Variants in AGBL1 observed in about 807,000 individuals in gnomAD.
AGBL1 encodes AGBL carboxypeptidase 1, also known as cytosolic carboxypeptidase 4.
Under a neutral mutation model 118.9 loss-of-function variants are expected in AGBL1, and 130 were observed. That is an observed-to-expected ratio of 1.09 (90% CI 0.95 to 1.26). The LOEUF is 1.26. Among genes scored for constraint, AGBL1 ranks in the 50% most tolerant of loss-of-function variants. The pLI, the probability that AGBL1 is intolerant of heterozygous loss-of-function variation, is 0.00. For synonymous variants in AGBL1, 555 were observed against 478.9 expected, an observed-to-expected ratio of 1.16 and a Z score of -2.08; for missense variants, 1,584 against 1,298.1, an observed-to-expected ratio of 1.22 and a Z score of -3.38.
intron 22 of AGBL1, among the ~76,000 whole-genome samples, chr15:86,778,257 A>C (rs1432078268): frequency 6.6e-6 from 1 of 152,170 alleles, no homozygotes; most frequent in Non-Finnish European, 1.5e-5. Context: ...AGATCACAGG[A>C]CCATGGGACT....
intron 18 of AGBL1, among the ~76,000 whole-genome samples, chr15:86,474,893 C>G (rs769079798): frequency 2.0e-5 from 3 of 152,232 alleles, no homozygotes; most frequent in Admixed American, 1.3e-4. Context: ...GAGGAATGAT[C>G]AGGCAGCAAC....
intron 14 of AGBL1, 117 bp downstream of exon 14, chr15:86,270,184 T>G (rs886200499): frequency 7.2e-7 from 1 of 1,386,740 alleles, no homozygotes; most frequent in Non-Finnish European, 9.6e-7. Flanking sequence ...GGGCAGAGTT[T>G]TGGGTTGCCA....
At chr15:86,224,145 T>C (rs190046508) in intron 5 of AGBL1, among the ~76,000 whole-genome samples, 1 of 152,208 alleles carries the variant, frequency 6.6e-6, no homozygotes, top group East Asian at 1.9e-4. Flanking sequence ...TTCTATTTTT[T>C]TAAAAAAGCA....
intron 16 of AGBL1, among the ~76,000 whole-genome samples, chr15:86,294,438 C>T (rs1387226351): frequency 6.7e-6 from 1 of 148,284 alleles, no homozygotes; most frequent in Admixed American, 6.7e-5. Context: ...GATTGTTCAC[C>T]AGGTGTCCTA....
intron 21 of AGBL1, among the ~76,000 whole-genome samples, chr15:86,640,969 A>AT (rs59709098): frequency 2.7e-5 from 4 of 150,770 alleles, no homozygotes; most frequent in Admixed American, 6.6e-5. Context: ...ACTGAGGTTG[A>AT]TTTTTTTTTT....
At chr15:86,857,319 A>G (rs2079497248) in intron 22 of AGBL1, among the ~76,000 whole-genome samples, 1 of 151,994 alleles carries the variant, frequency 6.6e-6, no homozygotes, top group South Asian at 2.1e-4. Flanking sequence ...TCAGCTTCCC[A>G]TCCTTCCAGT....
intron 22 of AGBL1, among the ~76,000 whole-genome samples, chr15:86,692,808 C>T (rs1054599865): frequency 3.9e-5 from 6 of 152,092 alleles, no homozygotes; most frequent in Non-Finnish European, 7.4e-5. Context: ...CATTCTTATG[C>T]CTTTGCATCT....
intron 17 of AGBL1, among the ~76,000 whole-genome samples, chr15:86,380,924 A>G (rs551781007): frequency 6.8e-5 from 10 of 146,034 alleles, no homozygotes; most frequent in Non-Finnish European, 1.5e-4. Context: ...TCTAATCCAC[A>G]TTACTTATAA....
chr15:86,657,543 T>C lies in AGBL1; in HGVS notation c.2995-16730T>C, dbSNP rs145021761. 3.1e-4 allele frequency among the ~76,000 whole-genome samples: 47 copies of C among 152,260 alleles called. No individual in the cohort carries two copies. The East Asian group carries it at 8.9e-3, about 29-fold the overall frequency. On this transcript the variant is annotated intron_variant, in intron 21 of 22. Coordinates refer to ENST00000614907, the MANE Select transcript of AGBL1 (RefSeq NM_001386094.1). Reference sequence around the variant, plus strand: ...TTTAGAGTGGAAATCCATTGCCCCATGGGTTGGAAAGTGACTCACAGTGGG... The same window carrying C: ...TTTAGAGTGGAAATCCATTGCCCCACGGGTTGGAAAGTGACTCACAGTGGG...
At chr15:86,660,433 C>T (rs1365013299) in intron 21 of AGBL1, among the ~76,000 whole-genome samples, 5 of 152,120 alleles carry the variant, frequency 3.3e-5, no homozygotes, top group East Asian at 1.9e-4. Context: ...GCAACATATA[C>T]ACGTATCATC....
intron 21 of AGBL1, among the ~76,000 whole-genome samples, chr15:86,561,291 G>A (rs565156716): frequency 7.2e-5 from 11 of 152,182 alleles, no homozygotes; most frequent in Non-Finnish European, 1.5e-4. Flanking sequence ...ATGGCTTTAG[G>A]TCTAACATTT....
rs1230285760 is a variant in AGBL1, at chr15:86,658,070, T to C, written c.2995-16203T>C. Among the ~76,000 whole-genome samples, 13 of 152,140 alleles carry C rather than the reference T, an allele frequency of 8.5e-5. No individual in the cohort carries two copies. In the South Asian group the frequency reaches 2.3e-3, roughly 27 times the overall value. On this transcript the variant is annotated intron_variant, in intron 21 of 22. Transcript: ENST00000614907. Reference sequence around the variant, plus strand: ...TATATTGTATATGCATATATATATGTATGTATGTGTGTATATATTCATGTA... The same window carrying C: ...TATATTGTATATGCATATATATATGCATGTATGTGTGTATATATTCATGTA...
At chr15:86,398,690 AT>A (rs1393303553) in intron 18 of AGBL1, among the ~76,000 whole-genome samples, 1 of 152,186 alleles carries the variant, frequency 6.6e-6, no homozygotes, top group Non-Finnish European at 1.5e-5. Flanking sequence ...AAATAATTCA[AT>A]TTTTAAGAAA....
rs116719003 is a variant in AGBL1 at position 86,726,744 on chromosome 15, C to T, written c.3158+52308C>T. 3.3e-3 allele frequency among the ~76,000 whole-genome samples: 500 copies of T among 152,090 alleles called. 3 individuals carry two copies. Among genetic ancestry groups the T allele is most frequent in the African/African-American group, 0.011 (472 of 41,504 alleles). On this transcript the variant is annotated intron_variant, in intron 22 of 22. Coordinates refer to ENST00000614907, the MANE Select transcript of AGBL1 (RefSeq NM_001386094.1). ...GCCCAGCTAATTGTTTTTATTTATT[C>T]TGTTCTCACTATGTTGCTAAGGCTG...
chr15:86,760,833 C>G (rs2078012824), intron 22 of AGBL1, among the ~76,000 whole-genome samples: 2 of 152,064 alleles, frequency 1.3e-5, no homozygotes, highest in African/African-American at 4.8e-5. Context: ...AAACTGCCCT[C>G]TGTCCCACCC....
chr15:86,166,663 G>A (rs569401059), intron 5 of AGBL1, among the ~76,000 whole-genome samples: 197 of 152,270 alleles, frequency 1.3e-3, no homozygotes, highest in Admixed American at 2.5e-3. Context: ...CTCATCCTGC[G>A]TGTGGGTTGT....
intron 22 of AGBL1, among the ~76,000 whole-genome samples, chr15:86,869,200 G>A (rs2079683403): frequency 6.6e-6 from 1 of 152,190 alleles, no homozygotes; most frequent in African/African-American, 2.4e-5. Context: ...ACAGAGAGGT[G>A]TGTCAGGGGA....
At chr15:86,849,598 C>T (rs1250957718) in intron 22 of AGBL1, among the ~76,000 whole-genome samples, 5 of 114,606 alleles carry the variant, frequency 4.4e-5, no homozygotes, top group African/African-American at 1.1e-4. Flanking sequence ...TAAAATTGCC[C>T]AAATCCTGAT....
chr15:86,474,371 C>G (rs1293952567), intron 18 of AGBL1, among the ~76,000 whole-genome samples: 1 of 152,184 alleles, frequency 6.6e-6, no homozygotes, highest in Non-Finnish European at 1.5e-5. Context: ...CAGGTCACTC[C>G]CACACTAATA....
Sources: gnomAD v4.1 joint callset for allele counts (sites outside exome capture counted in the v4.1 genomes callset) on GRCh38, gnomAD v4.1.1 for gene constraint, MANE v1.5 for transcripts, NCBI Gene and HGNC (gene_info 2026-07-23, HGNC 2026-07-21) for gene names.